NDEL1: variants seen among roughly 807,000 people sequenced by gnomAD.
NDEL1 encodes the protein nudE neurodevelopment protein 1 like 1.
Under a neutral mutation model 45.7 loss-of-function variants are expected in NDEL1, and 9 were observed. The ratio of observed to expected loss-of-function variants is 0.20; its 90% CI spans 0.12 to 0.34. The LOEUF (loss-of-function observed/expected upper bound fraction) is 0.34, where lower values mean the gene tolerates loss of function less well. Among genes scored for constraint, NDEL1 ranks in the 10% least tolerant of loss-of-function variants. The pLI, the probability that NDEL1 is intolerant of heterozygous loss-of-function variation, is 1.00. For synonymous variants in NDEL1, 133 were observed against 158.6 expected (o/e 0.84, Z 1.21); for missense variants, 306 against 406.2 (o/e 0.75, Z 2.12).
At chr17:8,453,275 G>T (rs192539703) in intron 6 of NDEL1, among the ~76,000 whole-genome samples, 2 of 152,192 alleles carry the variant, frequency 1.3e-5, no homozygotes, top group Admixed American at 1.3e-4. Flanking sequence ...ATATTCTTGA[G>T]GAGAAGAAGG....
In NDEL1 at chr17:8,450,815, C is replaced by G. The variant is rs780014843; in HGVS notation, c.562C>G (p.Gln188Glu). ...AGAACTAGCAGTTCGGGAAAGACAA[C>G]AGGAAGTAACTAGAAAGTCGGCTCC... is the stretch of plus-strand genomic sequence containing the variant. Reference protein sequence around the residue: ...RQELAVRERQQEVTRKSAPSS... With the variant: ...RQELAVRERQEEVTRKSAPSS... Residue 188 changes from glutamine to glutamate, a missense_variant, in exon 6 of 9, where the codon CAG becomes GAG. Transcript: ENST00000334527. The G allele has an allele frequency of 2.5e-6, 4 of 1,611,778 alleles. No homozygotes were observed. The highest frequency in any genetic ancestry group is 1.7e-4 in the Middle Eastern group (1 of 6,058).
upstream of NDEL1, among the ~76,000 whole-genome samples, chr17:8,434,309 C>G (rs543058386): frequency 6.6e-6 from 1 of 152,126 alleles, no homozygotes; most frequent in Non-Finnish European, 1.5e-5. Context: ...CTCCGCCTCC[C>G]GGGTTCGAGC....
chr17:8,431,656 T>C (rs544236965), upstream of NDEL1, among the ~76,000 whole-genome samples: 1 of 152,310 alleles, frequency 6.6e-6, no homozygotes, highest in South Asian at 2.1e-4. Context: ...TTTGGGAAAC[T>C]TCATCTTGCT....
chr17:8,424,162 G>A (rs115123101), intron 1 of NDEL1, among the ~76,000 whole-genome samples: 2,125 of 152,268 alleles, frequency 0.014, 41 homozygotes, highest in African/African-American at 0.048. Context: ...AACGTATAAC[G>A]TATGTATGTT....
intron 1 of NDEL1, among the ~76,000 whole-genome samples, chr17:8,424,867 C>G (rs551593822): frequency 3.9e-5 from 6 of 152,292 alleles, no homozygotes; most frequent in Non-Finnish European, 7.4e-5. Context: ...CGGGCTCTCA[C>G]TGTCTTGCTC....
downstream of NDEL1, among the ~76,000 whole-genome samples, chr17:8,470,967 G>A (rs1832734240): frequency 6.6e-6 from 1 of 152,194 alleles, no homozygotes; most frequent in Non-Finnish European, 1.5e-5. The surrounding 1 kb of genome is among the most constrained non-coding windows in gnomAD (Gnocchi z 4.2). Context: ...CTGGGAGAGG[G>A]GAGGCATCCT....
At chr17:8,442,116 T>C (rs1375736072) in intron 1 of NDEL1, among the ~76,000 whole-genome samples, 1 of 152,186 alleles carries the variant, frequency 6.6e-6, no homozygotes, top group Non-Finnish European at 1.5e-5. Flanking sequence ...AGTGGTTATC[T>C]CTAAGGTTCT....
At chr17:8,445,895 T>C (rs1327393703) in intron 3 of NDEL1, 31 bp downstream of exon 3, 2 of 1,400,578 alleles carry the variant, frequency 1.4e-6, no homozygotes, top group African/African-American at 1.5e-5. Flanking sequence ...TGGGGTCTAA[T>C]GTGTTGAGTT....
chr17:8,458,038 C>T (rs1023328275), intron 7 of NDEL1, among the ~76,000 whole-genome samples: 4 of 152,180 alleles, frequency 2.6e-5, no homozygotes, highest in Non-Finnish European at 2.9e-5. Flanking sequence ...TGCATGCACA[C>T]GCCCCAGACA....
At position 8,443,621 on chromosome 17, in the gene NDEL1, G is replaced by A. The variant is rs985547152; in HGVS notation, c.-12-639G>A. Reference sequence around the variant, plus strand: ...AGTCCAAATGTTAGTTAATTAAATCGCTTTTTTTCTCCTCTCTGAATGCCT... The same window carrying A: ...AGTCCAAATGTTAGTTAATTAAATCACTTTTTTTCTCCTCTCTGAATGCCT... On this transcript the variant is annotated intron_variant, in intron 1 of 8. Transcript: ENST00000334527. 6.6e-5 allele frequency among the ~76,000 whole-genome samples: 10 copies of A among 152,256 alleles called. No individual in the cohort carries two copies. In the South Asian group the frequency reaches 8.3e-4, roughly 13 times the overall value.
At chr17:8,421,249 A>G (rs1908698211) in intron 1 of NDEL1, among the ~76,000 whole-genome samples, 1 of 152,228 alleles carries the variant, frequency 6.6e-6, no homozygotes, top group African/African-American at 2.4e-5. Flanking sequence ...AGAAAGGGGT[A>G]GGCAGAATAA....
In NDEL1 at chr17:8,438,963, G is replaced by C. The variant is rs11649819; in HGVS notation, c.-13+2918G>C. ...TCTTTTTTTTTTTTTTTGAAACGGA[G>C]TCTCTCTCTGTCACCCAGGCTGGAG... On this transcript the variant is annotated intron_variant, in intron 1 of 8. Transcript: ENST00000334527. Among the ~76,000 whole-genome samples, 9 of 2,960 alleles carry C rather than the reference G, an allele frequency of 3.0e-3. 1 individual carries two copies. Among genetic ancestry groups the C allele is most frequent in the Non-Finnish European group, 0.25 (1 of 4 alleles). The allele number at this position is 2,960 out of a possible 152,430, so 1.9% of individuals were successfully genotyped here.
chr17:8,458,163 A>G (rs1185233990), intron 7 of NDEL1, among the ~76,000 whole-genome samples: 2 of 140,972 alleles, frequency 1.4e-5, no homozygotes, highest in East Asian at 4.1e-4. Flanking sequence ...AGCATTCAAC[A>G]CTGACCGTTT....
At chr17:8,428,987 T>A (rs1485644751) in intron 1 of NDEL1, among the ~76,000 whole-genome samples, 2 of 152,224 alleles carry the variant, frequency 1.3e-5, no homozygotes, top group East Asian at 1.9e-4. Context: ...TTTAAGATTT[T>A]AAAAACACAT....
Position 8,446,869 on chromosome 17 carries a change from A to G in NDEL1, c.356A>G (p.Glu119Gly). 1 of 1,614,190 alleles carries G rather than the reference A, an allele frequency of 6.2e-7. No individual in the cohort carries two copies. The highest frequency in any genetic ancestry group is 8.5e-7 in the Non-Finnish European group (1 of 1,180,030). ...TTGCATAAGTATGTGAGAGAGCTGG[A>G]GCAGGCCAACGACGACCTGGAGCGA... The part of the protein sequence containing the change: ...EQLHKYVREL[E>G]QANDDLERAK... The change falls in exon 4 of 9, where the codon GAG becomes GGG. Residue 119 changes from glutamate to glycine, a missense_variant. Physicochemically the swap from Glu to Gly is moderately conservative, Grantham distance 98. Around this residue, in one of 3 missense-constraint regions of NDEL1, gnomAD observed 112 missense variants for 148.3 expected, o/e 0.76. Transcript: ENST00000334527.
At chr17:8,445,091 T>G (rs560380551) in intron 2 of NDEL1, 2 of 152,302 alleles carry the variant, frequency 1.3e-5, no homozygotes, top group African/African-American at 4.8e-5. Context: ...ATAGATGTCT[T>G]AATGGGCTGG....
At chr17:8,415,973 A>G (rs61471470) in intron 1 of NDEL1, among the ~76,000 whole-genome samples, 5,646 of 151,850 alleles carry the variant, frequency 0.037, 357 homozygotes, top group African/African-American at 0.13. Context: ...GGTCTTGAAC[A>G]CCTGACCTCG....
intron 1 of NDEL1, among the ~76,000 whole-genome samples, chr17:8,419,311 A>G (rs958236676): frequency 6.6e-6 from 1 of 152,256 alleles, no homozygotes; most frequent in Non-Finnish European, 1.5e-5. Flanking sequence ...AACACAAAAA[A>G]GAAAATATGA....
At chr17:8,430,020 C>T (rs1308774830) in intron 1 of NDEL1, among the ~76,000 whole-genome samples, 1 of 152,046 alleles carries the variant, frequency 6.6e-6, no homozygotes, top group African/African-American at 2.4e-5. Context: ...GCTTTGGTGA[C>T]CACATGCGTG....
Sources: allele counts gnomAD v4.1 joint callset (sites outside exome capture counted in the v4.1 genomes callset), GRCh38; gene constraint gnomAD v4.1.1; regional missense constraint gnomAD v4.1.1; non-coding constraint Gnocchi (gnomAD v3.1); transcripts MANE v1.5; gene names NCBI Gene and HGNC (gene_info 2026-07-23, HGNC 2026-07-21).